The following PTPRO variants were observed in gnomAD, a reference collection of about 807,000 sequenced individuals.
The protein encoded by PTPRO is protein tyrosine phosphatase receptor type O.
PTPRO carries 62 observed loss-of-function variants against 145.2 expected under a neutral mutation model. The ratio of observed to expected loss-of-function variants is 0.43; its 90% CI spans 0.35 to 0.53. PTPRO has a LOEUF of 0.53. Among genes scored for constraint, PTPRO ranks in the 20% least tolerant of loss-of-function variants. The probability of loss-of-function intolerance (pLI) is 0.01; values close to 1 mark genes in which losing one functional copy is unlikely to be tolerated. For synonymous variants in PTPRO, 565 were observed against 514.7 expected (o/e 1.10, Z -1.32); for missense variants, 1,345 against 1,482.7 (o/e 0.91, Z 1.53).
intron 1 of PTPRO, among the ~76,000 whole-genome samples, chr12:15,457,418 C>T (rs1362563983): frequency 6.6e-6 from 1 of 152,140 alleles, no homozygotes; most frequent in Admixed American, 6.5e-5. Flanking sequence ...ATAACTGGAA[C>T]TTGAGGTTTT....
intron 1 of PTPRO, among the ~76,000 whole-genome samples, chr12:15,373,215 A>G (rs752220280): frequency 2.2e-4 from 34 of 152,206 alleles, no homozygotes; most frequent in Non-Finnish European, 3.8e-4. Flanking sequence ...GAGATCACCA[A>G]GTTGATTGTA....
chr12:15,335,473 G>C (rs1264352895), intron 1 of PTPRO, among the ~76,000 whole-genome samples: 2 of 152,008 alleles, frequency 1.3e-5, no homozygotes, highest in South Asian at 2.1e-4. Context: ...ATTCTGCATT[G>C]CCATGGGGGA....
At chr12:15,461,385 A>G (rs948099817) in intron 1 of PTPRO, among the ~76,000 whole-genome samples, 8 of 152,142 alleles carry the variant, frequency 5.3e-5, no homozygotes, top group Admixed American at 4.6e-4. Flanking sequence ...AAGGTGAACC[A>G]CAACCACCTT....
At position 15,530,735 on chromosome 12, in the gene PTPRO, G is replaced by A. The variant is rs1366329393; in HGVS notation, c.2164+4473G>A. ...TGGGATATAGCAAAAGCCATAGTAT[G>A]AGGGAATTTTATAGCAATAAATGCC... is the stretch of plus-strand genomic sequence containing the variant. On this transcript the variant is annotated intron_variant, in intron 12 of 26. Coordinates refer to ENST00000281171, the MANE Select transcript of PTPRO (RefSeq NM_030667.3). Among the ~76,000 whole-genome samples the A allele has an allele frequency of 3.9e-5, 6 of 152,106 alleles. No homozygotes were observed. The South Asian group carries it at 8.3e-4, about 21-fold the overall frequency.
At chr12:15,348,713 G>T (rs975252158) in intron 1 of PTPRO, 4 of 152,136 alleles carry the variant, frequency 2.6e-5, no homozygotes, top group African/African-American at 9.6e-5. Flanking sequence ...CGTGAACCCC[G>T]GGGGGCGGAG....
chr12:15,521,104 G>C (rs985072651), intron 10 of PTPRO, among the ~76,000 whole-genome samples: 12 of 152,016 alleles, frequency 7.9e-5, no homozygotes, highest in African/African-American at 2.2e-4. Flanking sequence ...ACCTTTTATC[G>C]AACGACAAGG....
chr12:15,503,221 A>G (rs980256906), intron 5 of PTPRO, among the ~76,000 whole-genome samples: 2 of 152,026 alleles, frequency 1.3e-5, no homozygotes, highest in Non-Finnish European at 2.9e-5. Flanking sequence ...TGAAGGTTCT[A>G]TTATGCATTT....
At chr12:15,409,154 A>G (rs923826445) in intron 1 of PTPRO, among the ~76,000 whole-genome samples, 1 of 152,158 alleles carries the variant, frequency 6.6e-6, no homozygotes, top group Non-Finnish European at 1.5e-5. Context: ...CTAAGAAGAG[A>G]AGAATTTGAT....
intron 1 of PTPRO, among the ~76,000 whole-genome samples, chr12:15,338,588 C>T (rs1439015715): frequency 6.6e-6 from 1 of 152,076 alleles, no homozygotes; most frequent in African/African-American, 2.4e-5. Flanking sequence ...ATTCCCACAA[C>T]ATTGTTAAAG....
intron 10 of PTPRO, among the ~76,000 whole-genome samples, chr12:15,523,176 A>G (rs1040559651): frequency 1.6e-4 from 24 of 152,244 alleles, no homozygotes; most frequent in African/African-American, 5.8e-4. Flanking sequence ...TTCAGTGAAT[A>G]ATTTTGAAAG....
At chr12:15,364,287 G>T (rs532201019) in intron 1 of PTPRO, among the ~76,000 whole-genome samples, 1 of 152,106 alleles carries the variant, frequency 6.6e-6, no homozygotes, top group Non-Finnish European at 1.5e-5. Context: ...AAAGGAGAGA[G>T]GTCATTATTA....
chr12:15,361,651 T>C (rs1423278656), intron 1 of PTPRO, among the ~76,000 whole-genome samples: 1 of 152,078 alleles, frequency 6.6e-6, no homozygotes, highest in East Asian at 1.9e-4. Context: ...GCAGTGCGTT[T>C]AGTTTGCGGA....
At position 15,581,730 on chromosome 12, in the gene PTPRO, G is replaced by A; in HGVS notation, c.3184G>A (p.Asp1062Asn). ...PFTEEPIAYG[D>N]ITVEMISEEE... ...CACGGAAGAACCTATAGCCTATGGA[G>A]ACATCACTGTGGAGATGATTTCAGA... Residue 1062 changes from aspartate (D) to asparagine (N), a missense_variant, in exon 23 of 27, where the codon GAC becomes AAC. This residue lies in a region of PTPRO where 208 missense variants were observed against 242.8 expected (regional missense o/e 0.86). Transcript: ENST00000281171. The A allele has an allele frequency of 6.2e-7, 1 of 1,613,916 alleles. No individual in the cohort carries two copies. Among genetic ancestry groups the A allele is most frequent in the African/African-American group, 1.3e-5 (1 of 75,022 alleles).
rs530177771 is a variant in PTPRO at position 15,439,878 on chromosome 12, G to T, written c.76-44096G>T. Reference sequence around the variant, plus strand: ...ATGGTGCAGAAGCAGACCCACGTCGGCCAGCACACCAAGTTCAAGGTGTTT... The same window carrying T: ...ATGGTGCAGAAGCAGACCCACGTCGTCCAGCACACCAAGTTCAAGGTGTTT... On this transcript the variant is annotated intron_variant, in intron 1 of 26. Coordinates refer to ENST00000281171, the MANE Select transcript of PTPRO (RefSeq NM_030667.3). 4.5e-5 allele frequency: 29 copies of T among 645,794 alleles called. No homozygotes were observed. The African/African-American group carries it at 5.0e-4, about 11-fold the overall frequency. The allele number at this position is 645,794 out of a possible 1,614,324, so 40.0% of individuals were successfully genotyped here.
chr12:15,390,605 T>C (rs1591768500), intron 1 of PTPRO, among the ~76,000 whole-genome samples: 1 of 152,162 alleles, frequency 6.6e-6, no homozygotes, highest in East Asian at 1.9e-4. Flanking sequence ...CCAAACCATA[T>C]CACATGGGTA....
intron 1 of PTPRO, among the ~76,000 whole-genome samples, chr12:15,346,834 T>G (rs1024752089): frequency 6.6e-6 from 1 of 152,238 alleles, no homozygotes. Flanking sequence ...GTTCTTCAGA[T>G]AATGCCCACA....
intron 1 of PTPRO, among the ~76,000 whole-genome samples, chr12:15,338,395 A>T (rs930631637): frequency 5.9e-5 from 9 of 152,182 alleles, no homozygotes; most frequent in Admixed American, 5.9e-4. Context: ...CAGGGAAAGT[A>T]AGTTATCGAA....
chr12:15,541,841 G>A (rs778371198), intron 12 of PTPRO, among the ~76,000 whole-genome samples: 11 of 151,952 alleles, frequency 7.2e-5, no homozygotes, highest in African/African-American at 1.9e-4. Context: ...GTGAAACCCC[G>A]TCTCTACTAA....
At chr12:15,579,038 C>T in intron 20 of PTPRO, 95 bp downstream of exon 20, 1 of 1,102,430 alleles carries the variant, frequency 9.1e-7, no homozygotes, top group Admixed American at 1.8e-5. Flanking sequence ...TGGCCATACC[C>T]ACTTGTGGTC....
Sources: allele counts gnomAD v4.1 joint callset (sites outside exome capture counted in the v4.1 genomes callset), GRCh38; gene constraint gnomAD v4.1.1; regional missense constraint gnomAD v4.1.1; transcripts MANE v1.5; gene names NCBI Gene and HGNC (gene_info 2026-07-23, HGNC 2026-07-21).